MTCL1: variants seen among roughly 807,000 people sequenced by gnomAD.
MTCL1 encodes microtubule cross-linking factor 1.
MTCL1 carries 79 observed loss-of-function variants against 141.4 expected under a neutral mutation model. The ratio of observed to expected loss-of-function variants is 0.56; its 90% CI spans 0.47 to 0.67. MTCL1 has a LOEUF of 0.67. Ranked by LOEUF, MTCL1 falls within the 30% of genes least tolerant of loss-of-function variation. The pLI, the probability that MTCL1 is intolerant of heterozygous loss-of-function variation, is 0.00. For missense variants in MTCL1, 2,177 were observed against 2,113.9 expected (o/e 1.03, Z -0.59); for synonymous variants, 914 against 875.8 (o/e 1.04, Z -0.77).
chr18:8,754,321 T>G (rs2096386632), intron 4 of MTCL1, among the ~76,000 whole-genome samples: 1 of 152,222 alleles, frequency 6.6e-6, no homozygotes, highest in Non-Finnish European at 1.5e-5. Flanking sequence ...TCTGCCCACC[T>G]TGGCTTCCCA....
intron 4 of MTCL1, among the ~76,000 whole-genome samples, chr18:8,748,282 A>G (rs1159334253): frequency 6.6e-6 from 1 of 151,994 alleles, no homozygotes; most frequent in Non-Finnish European, 1.5e-5. Context: ...CACAACACTA[A>G]ATATATTCGT....
chr18:8,750,807 T>C (rs1013802010), intron 4 of MTCL1, among the ~76,000 whole-genome samples: 10 of 152,234 alleles, frequency 6.6e-5, no homozygotes, highest in Admixed American at 3.3e-4. Flanking sequence ...GAGTGCTTTA[T>C]TTTCATTACA....
chr18:8,789,408 C>G (rs1460837319), intron 7 of MTCL1: 2 of 985,284 alleles, frequency 2.0e-6, no homozygotes, highest in Non-Finnish European at 2.4e-6. Flanking sequence ...GCTAGGCACT[C>G]TAGTGATGGC....
exon 11 of MTCL1, chr18:8,806,922 C>T (rs777144563): frequency 2.5e-6 from 4 of 1,613,592 alleles, no homozygotes; most frequent in South Asian, 2.2e-5. Flanking sequence ...TGTTCAGCGC[C>T]TTCAAGGCCT....
At chr18:8,763,096 C>T (rs983780641) in intron 4 of MTCL1, among the ~76,000 whole-genome samples, 1 of 152,236 alleles carries the variant, frequency 6.6e-6, no homozygotes, top group Admixed American at 6.5e-5. Context: ...CAAGCCCGCT[C>T]AATACATCCT....
At chr18:8,808,045 C>G (rs1166259416) in intron 11 of MTCL1, among the ~76,000 whole-genome samples, 3 of 151,598 alleles carry the variant, frequency 2.0e-5, no homozygotes, top group Non-Finnish European at 2.9e-5. Flanking sequence ...CTGGTACCCA[C>G]AAGTTCCCCT....
At chr18:8,798,189 C>T in exon 10 of MTCL1, 1 of 1,598,876 alleles carries the variant, frequency 6.3e-7, no homozygotes, top group African/African-American at 1.4e-5. Context: ...GTGACCGAGG[C>T]TGTGGCTTTC....
intron 1 of MTCL1, among the ~76,000 whole-genome samples, chr18:8,710,338 AG>A (rs2096080476): frequency 6.6e-6 from 1 of 151,360 alleles, no homozygotes; most frequent in South Asian, 2.1e-4. Context: ...CAGACAGAAA[AG>A]CACTCTTGTT....
At chr18:8,770,032 GA>G (rs1248992071) in intron 4 of MTCL1, among the ~76,000 whole-genome samples, 1 of 152,148 alleles carries the variant, frequency 6.6e-6, no homozygotes, top group Non-Finnish European at 1.5e-5. Context: ...AGATTTTTTG[GA>G]TGAGAAAAAT....
At chr18:8,715,578 T>C (rs993292833), upstream of MTCL1, among the ~76,000 whole-genome samples, 1 of 152,156 alleles carries the variant, frequency 6.6e-6, no homozygotes. Flanking sequence ...TATTAATGAC[T>C]CAGTGAAACA....
intron 10 of MTCL1, among the ~76,000 whole-genome samples, chr18:8,801,104 T>C (rs980676505): frequency 2.6e-4 from 40 of 152,138 alleles, no homozygotes; most frequent in African/African-American, 9.2e-4. Context: ...CGTTAGGGCC[T>C]TCGGGGGCTG....
intron 3 of MTCL1, among the ~76,000 whole-genome samples, chr18:8,719,006 A>G (rs1441439045): frequency 6.6e-6 from 1 of 151,916 alleles, no homozygotes; most frequent in Admixed American, 6.5e-5. Flanking sequence ...CACTCTTAAA[A>G]GTTGATCATA....
At chr18:8,784,571 G>T (rs1330467361) in exon 6 of MTCL1, 2 of 1,610,110 alleles carry the variant, frequency 1.2e-6, no homozygotes, top group Non-Finnish European at 1.7e-6. Flanking sequence ...GCTGCGGGGT[G>T]GTGCGCCCTT....
intron 4 of MTCL1, 125 bp from the exon 4 acceptor site, chr18:8,777,701 GTTGTTTC>G: frequency 1.4e-6 from 1 of 725,130 alleles, no homozygotes; most frequent in Non-Finnish European, 2.3e-6. Context: ...ATTTACACAA[GTTGTTTC>G]TTGATTCTGG....
At chr18:8,769,278 A>T (rs1238090937) in intron 4 of MTCL1, among the ~76,000 whole-genome samples, 1 of 152,258 alleles carries the variant, frequency 6.6e-6, no homozygotes, top group Admixed American at 6.5e-5. Context: ...GCCAGCATGG[A>T]TGTGCACAGA....
In MTCL1 at chr18:8,746,507, A is replaced by G. The variant is rs151148563; in HGVS notation, c.357+26011A>G. ...CATTGTCATTCTTTGAAGTGTGGAGAGGGGGAATCCCATGGATTTGAATCT... is the reference window on the plus strand; with the variant it reads ...CATTGTCATTCTTTGAAGTGTGGAGGGGGGGAATCCCATGGATTTGAATCT... On this transcript the variant is annotated intron_variant, in intron 4 of 16. Coordinates refer to ENST00000359865, the Ensembl canonical transcript of MTCL1. 2.0e-3 allele frequency among the ~76,000 whole-genome samples: 303 copies of G among 152,314 alleles called. 7 individuals are homozygous for G. Among genetic ancestry groups the G allele is most frequent in the African/African-American group, 6.5e-3 (272 of 41,566 alleles).
chr18:8,820,768 G>T (rs548323437), intron 13 of MTCL1, among the ~76,000 whole-genome samples: 54 of 152,322 alleles, frequency 3.5e-4, no homozygotes, highest in Middle Eastern at 3.4e-3. Context: ...AAGGGGAAGG[G>T]TACCCCTTGC....
chr18:8,797,170 A>G (rs577122925), intron 9 of MTCL1, among the ~76,000 whole-genome samples: 1 of 152,294 alleles, frequency 6.6e-6, no homozygotes, highest in African/African-American at 2.4e-5. Flanking sequence ...GTCCTGCGCC[A>G]TCTCATTCAA....
At chr18:8,754,262 G>A (rs1386877426) in intron 4 of MTCL1, among the ~76,000 whole-genome samples, 1 of 152,072 alleles carries the variant, frequency 6.6e-6, no homozygotes, top group Non-Finnish European at 1.5e-5. Context: ...ATAGAGACGG[G>A]GTTTCACCGT....
Sources: allele counts gnomAD v4.1 joint callset (sites outside exome capture counted in the v4.1 genomes callset), GRCh38; gene constraint gnomAD v4.1.1; transcripts MANE v1.5; gene names NCBI Gene and HGNC (gene_info 2026-07-23, HGNC 2026-07-21).